The following CPNE4 variants were observed in gnomAD, a reference collection of about 807,000 sequenced individuals.
The protein encoded by CPNE4 is copine 4, also known as copine-4.
In CPNE4, 25 loss-of-function variants were observed where a neutral mutation model predicts 67.9. That is an observed-to-expected ratio of 0.37 (90% confidence interval 0.27 to 0.51). CPNE4 has a LOEUF of 0.51. Ranked by LOEUF, CPNE4 falls within the 20% of genes least tolerant of loss-of-function variation. The pLI is 0.93. For synonymous variants in CPNE4, 242 were observed against 244.9 expected (o/e 0.99, Z 0.11); for missense variants, 464 against 690.8 (o/e 0.67, Z 3.68).
chr3:131,973,824 T>C (rs932788339), intron 1 of CPNE4, among the ~76,000 whole-genome samples: 40 of 152,210 alleles, frequency 2.6e-4, no homozygotes, highest in Non-Finnish European at 7.3e-5. Context: ...CCAGGAAGAA[T>C]AGGAATAACG....
chr3:132,001,055 T>TA (rs1452672457), intron 1 of CPNE4, among the ~76,000 whole-genome samples: 3 of 152,024 alleles, frequency 2.0e-5, no homozygotes, highest in Non-Finnish European at 2.9e-5. Context: ...CAAAGTTGTT[T>TA]AAGTTGTTTT....
chr3:131,841,639 A>G (rs1246306427), intron 2 of CPNE4, among the ~76,000 whole-genome samples: 3 of 152,122 alleles, frequency 2.0e-5, no homozygotes, highest in African/African-American at 2.4e-5. Context: ...TCCCCACCCC[A>G]TGTCCATGGA....
intron 2 of CPNE4, among the ~76,000 whole-genome samples, chr3:131,749,133 A>T (rs536479113): frequency 1.3e-5 from 2 of 151,976 alleles, no homozygotes; most frequent in South Asian, 4.1e-4. Context: ...TTGATGTTGT[A>T]TTTTCATTTT....
At chr3:131,778,541 T>C (rs2107847996) in intron 2 of CPNE4, among the ~76,000 whole-genome samples, 1 of 152,128 alleles carries the variant, frequency 6.6e-6, no homozygotes, top group East Asian at 1.9e-4. Context: ...AAGTAGAGGG[T>C]ATAAATGGTA....
At chr3:131,885,319 C>G (rs1325685749) in intron 2 of CPNE4, among the ~76,000 whole-genome samples, 1 of 144,184 alleles carries the variant, frequency 6.9e-6, no homozygotes, top group Non-Finnish European at 1.5e-5. Flanking sequence ...TTTAGGGTAT[C>G]TGGTGGGAGA....
intron 2 of CPNE4, among the ~76,000 whole-genome samples, chr3:131,891,930 T>G (rs1004881580): frequency 1.3e-5 from 2 of 152,078 alleles, no homozygotes; most frequent in Non-Finnish European, 2.9e-5. Flanking sequence ...AATAAACAAC[T>G]ACTTTTCAAC....
At chr3:131,702,067 A>G (rs1437006997) in intron 3 of CPNE4, among the ~76,000 whole-genome samples, 1 of 152,076 alleles carries the variant, frequency 6.6e-6, no homozygotes, top group African/African-American at 2.4e-5. Context: ...GCCAAATGCA[A>G]GAAGTCCAGA....
intron 1 of CPNE4, among the ~76,000 whole-genome samples, chr3:131,949,461 G>A (rs1184975754): frequency 6.6e-6 from 1 of 152,128 alleles, no homozygotes; most frequent in African/African-American, 2.4e-5. Flanking sequence ...AACACGAAAA[G>A]ATATGCAAAG....
intron 2 of CPNE4, among the ~76,000 whole-genome samples, chr3:131,848,400 A>G (rs1054206461): frequency 5.3e-5 from 8 of 152,092 alleles, no homozygotes; most frequent in African/African-American, 1.9e-4. Flanking sequence ...TAGTCCCCAC[A>G]CCAGAATTAA....
At chr3:131,811,157 A>T (rs1330507756) in intron 2 of CPNE4, among the ~76,000 whole-genome samples, 3 of 152,110 alleles carry the variant, frequency 2.0e-5, no homozygotes, top group Non-Finnish European at 4.4e-5. Flanking sequence ...TGTGTACAAT[A>T]AGAGGGTAGA....
chr3:131,558,393 C>T (rs1242648888), intron 11 of CPNE4, among the ~76,000 whole-genome samples: 2 of 152,010 alleles, frequency 1.3e-5, no homozygotes, highest in African/African-American at 4.8e-5. Context: ...AAGATTGGAT[C>T]CACTCAGCAC....
intron 1 of CPNE4, among the ~76,000 whole-genome samples, chr3:131,998,550 T>C (rs913792279): frequency 2.6e-5 from 4 of 152,098 alleles, no homozygotes; most frequent in Admixed American, 6.6e-5. Flanking sequence ...ATTGAACGTG[T>C]TTGAGGAATT....
chr3:131,712,688 C>T (rs1437306720), intron 3 of CPNE4, among the ~76,000 whole-genome samples: 1 of 152,228 alleles, frequency 6.6e-6, no homozygotes, highest in Non-Finnish European at 1.5e-5. Flanking sequence ...GTTTGCCATA[C>T]TATGAATTCA....
rs146955464 is a variant in CPNE4 at position 131,914,175 on chromosome 3, A to G, written c.-1-8731T>C. Among the ~76,000 whole-genome samples the G allele has an allele frequency of 6.8e-3, 1,035 of 152,276 alleles. 15 individuals are homozygous for G. Among genetic ancestry groups the G allele is most frequent in the African/African-American group, 0.024 (997 of 41,550 alleles). ...AATTGCATCCTAGAAAGGTACAACA[A>G]CTGCACATAGCTGTCCAGCCACAAA... On this transcript the variant is annotated intron_variant, in intron 1 of 15. Coordinates refer to ENST00000429747, the MANE Select transcript of CPNE4 (RefSeq NM_130808.3).
intron 2 of CPNE4, among the ~76,000 whole-genome samples, chr3:131,849,058 G>A (rs2086130469): frequency 6.6e-6 from 1 of 150,762 alleles, no homozygotes; most frequent in Non-Finnish European, 1.5e-5. Flanking sequence ...CATTTCCTCA[G>A]GGAACCCTTT....
At chr3:131,609,966 T>C (rs1018697478) in intron 7 of CPNE4, among the ~76,000 whole-genome samples, 1 of 152,138 alleles carries the variant, frequency 6.6e-6, no homozygotes, top group African/African-American at 2.4e-5. Flanking sequence ...ACAGCCAAGA[T>C]TTTCATGCTC....
intron 7 of CPNE4, among the ~76,000 whole-genome samples, chr3:131,642,596 C>A (rs1403193193): frequency 3.3e-5 from 5 of 152,156 alleles, no homozygotes; most frequent in African/African-American, 1.2e-4. Context: ...CCATAATCCC[C>A]ACATGTCATG....
At chr3:131,792,925 G>GTGTGTGCGTGTGTATATCTATA (rs58502463) in intron 2 of CPNE4, among the ~76,000 whole-genome samples, 2 of 135,142 alleles carry the variant, frequency 1.5e-5, no homozygotes, top group African/African-American at 5.7e-5. Flanking sequence ...GTGTGTGTGT[G>GTGTGTGCGTGTGTATATCTATA]TATCTCCAAC....
chr3:131,538,389 G>T (rs912758419), intron 15 of CPNE4, among the ~76,000 whole-genome samples: 4 of 152,188 alleles, frequency 2.6e-5, no homozygotes, highest in African/African-American at 9.7e-5. Context: ...CCATCCCCTT[G>T]CATATCTGTG....
Sources: allele counts gnomAD v4.1 joint callset (sites outside exome capture counted in the v4.1 genomes callset), GRCh38; gene constraint gnomAD v4.1.1; transcripts MANE v1.5; gene names NCBI Gene and HGNC (gene_info 2026-07-23, HGNC 2026-07-21).